Variants in CD96 observed in about 807,000 individuals in gnomAD.
The protein encoded by CD96 is CD96 molecule.
Under a neutral mutation model 71.3 loss-of-function variants are expected in CD96, and 70 were observed. That is an observed-to-expected ratio of 0.98 (90% CI 0.81 to 1.20). CD96 has a LOEUF of 1.20. Ranked by LOEUF, CD96 falls within the 50% of genes most tolerant of loss-of-function variation. The pLI is 0.00. For synonymous variants in CD96, 248 were observed against 233.0 expected (o/e 1.06, Z -0.59); for missense variants, 742 against 677.5 (o/e 1.10, Z -1.06).
At chr3:111,545,811 G>A (rs1934366605) in intron 2 of CD96, among the ~76,000 whole-genome samples, 1 of 152,074 alleles carries the variant, frequency 6.6e-6, no homozygotes, top group African/African-American at 2.4e-5. Flanking sequence ...TGAAGAAATG[G>A]GAAAATGCCA....
intron 5 of CD96, among the ~76,000 whole-genome samples, chr3:111,587,785 C>G (rs896642078): frequency 1.3e-5 from 2 of 152,182 alleles, no homozygotes; most frequent in Non-Finnish European, 2.9e-5. Flanking sequence ...TGGAAGCTTC[C>G]AAGGCTTGGG....
At chr3:111,601,974 T>C (rs936113249) in intron 7 of CD96, among the ~76,000 whole-genome samples, 9 of 152,186 alleles carry the variant, frequency 5.9e-5, no homozygotes, top group Non-Finnish European at 1.5e-5. Context: ...TGTCTGTGTA[T>C]ATGTATATGT....
In CD96 at chr3:111,542,264, A is replaced by G. The variant is rs918252494; in HGVS notation, c.16A>G (p.Lys6Glu). Residue 6 changes from lysine (K) to glutamate (E), a missense_variant, in exon 1 of 14, where the codon AAA becomes GAA. Physicochemically the swap from Lys to Glu is moderately conservative, Grantham distance 56. Transcript: ENST00000352690. Reference sequence around the variant, plus strand: ...TCAGAAGACAATGGAGAAAAAATGGAAATACTGTGCTGTCTATTACATCAT... The same window carrying G: ...TCAGAAGACAATGGAGAAAAAATGGGAATACTGTGCTGTCTATTACATCAT... MEKKWKYCAVYYIIQI... is the reference protein window; with the variant it reads MEKKWEYCAVYYIIQI... 3 of 1,613,422 alleles carry G rather than the reference A, an allele frequency of 1.9e-6. No homozygotes were observed. The African/African-American group carries it at 4.0e-5, about 22-fold the overall frequency.
chr3:111,600,096 G>A (rs1179108611), intron 6 of CD96, among the ~76,000 whole-genome samples: 1 of 152,158 alleles, frequency 6.6e-6, no homozygotes. Flanking sequence ...TCAAGAAGAG[G>A]AGACAACATA....
intron 6 of CD96, among the ~76,000 whole-genome samples, chr3:111,599,073 A>G (rs1937380558): frequency 6.6e-6 from 1 of 151,912 alleles, no homozygotes; most frequent in Non-Finnish European, 1.5e-5. Context: ...GGTTCACGCC[A>G]TTCTCCTGCC....
chr3:111,545,157 G>T lies in CD96; in HGVS notation c.173G>T (p.Trp58Leu), dbSNP rs764132767. 1.9e-6 allele frequency: 3 copies of T among 1,614,136 alleles called. No individual in the cohort carries two copies. The highest frequency in any genetic ancestry group is 2.2e-5 in the South Asian group (2 of 91,088). The part of the protein sequence containing the change: ...QTVGFFVQMQ[W>L]SKVTNKIDLI... ...GTAGGCTTCTTCGTGCAGATGCAATGGTCCAAGGTCACCAATAAGATAGAC... is the reference window on the plus strand; with the variant it reads ...GTAGGCTTCTTCGTGCAGATGCAATTGTCCAAGGTCACCAATAAGATAGAC... Residue 58 changes from tryptophan to leucine, a missense_variant, in exon 2 of 14, where the codon TGG becomes TTG. By Grantham distance (61) the Trp-to-Leu change is moderately conservative. Transcript: ENST00000352690.
At chr3:111,657,882 A>G (rs1298442974) in intron 14 of CD96, among the ~76,000 whole-genome samples, 1 of 152,196 alleles carries the variant, frequency 6.6e-6, no homozygotes, top group African/African-American at 2.4e-5. Flanking sequence ...CTTCACTGGT[A>G]ATCTTAATCT....
At chr3:111,610,634 A>T (rs377231961) in intron 8 of CD96, among the ~76,000 whole-genome samples, 1 of 152,178 alleles carries the variant, frequency 6.6e-6, no homozygotes, top group East Asian at 1.9e-4. Flanking sequence ...GCTCAATTCA[A>T]CCTGAACCAA....
chr3:111,587,374 A>G (rs1171909736), intron 5 of CD96, among the ~76,000 whole-genome samples: 1 of 152,008 alleles, frequency 6.6e-6, no homozygotes, highest in East Asian at 1.9e-4. Flanking sequence ...CTCTTCTCAC[A>G]TCTCTGCTAG....
At chr3:111,578,810 G>C (rs1936338131) in intron 3 of CD96, among the ~76,000 whole-genome samples, 1 of 152,178 alleles carries the variant, frequency 6.6e-6, no homozygotes, top group South Asian at 2.1e-4. Flanking sequence ...CAGAAGAACA[G>C]AATGCTTCCA....
At position 111,603,079 on chromosome 3, in the gene CD96, A is replaced by G. The variant is rs370796530; in HGVS notation, c.1087+2165A>G. ...GTGATCAGTGACTCTTCAGGCAGCT[A>G]TTTGTGCACTAGGACCTGCAGAATT... On this transcript the variant is annotated intron_variant, in intron 7 of 13. Transcript: ENST00000352690. 7.2e-5 allele frequency among the ~76,000 whole-genome samples: 11 copies of G among 152,178 alleles called. No homozygotes were observed. The East Asian group carries it at 1.9e-3, about 27-fold the overall frequency.
chr3:111,619,283 A>G (rs1938403012), intron 8 of CD96, among the ~76,000 whole-genome samples: 1 of 152,236 alleles, frequency 6.6e-6, no homozygotes, highest in Admixed American at 6.5e-5. Flanking sequence ...TTTTAGTGAG[A>G]AAATTTTTAA....
At chr3:111,663,338 A>G (rs1205910969) in intron 14 of CD96, among the ~76,000 whole-genome samples, 1 of 152,226 alleles carries the variant, frequency 6.6e-6, no homozygotes, top group African/African-American at 2.4e-5. Context: ...TTGGGTGAGG[A>G]CACAAAGCCA....
intron 8 of CD96, chr3:111,607,179 G>A: frequency 8.8e-6 from 2 of 228,284 alleles, no homozygotes; most frequent in South Asian, 5.8e-5. Flanking sequence ...ATTCAGTGAG[G>A]AATTTAAATT....
chr3:111,604,849 C>T (rs111991903), intron 7 of CD96, among the ~76,000 whole-genome samples: 2 of 152,128 alleles, frequency 1.3e-5, no homozygotes, highest in African/African-American at 4.8e-5. Context: ...GTCACCTTAG[C>T]ACAAAAGCAA....
intron 14 of CD96, among the ~76,000 whole-genome samples, chr3:111,660,033 C>T (rs1222529428): frequency 1.3e-5 from 2 of 152,184 alleles, no homozygotes; most frequent in Non-Finnish European, 2.9e-5. Context: ...CCAGAGCAAT[C>T]AGGCAAGAGA....
chr3:111,606,414 T>A (rs1937625823), intron 7 of CD96, among the ~76,000 whole-genome samples: 1 of 152,206 alleles, frequency 6.6e-6, no homozygotes, highest in Non-Finnish European at 1.5e-5. Flanking sequence ...TCCCAATCTT[T>A]ATCAGTGCCC....
chr3:111,654,495 T>C (rs1302875502), downstream of CD96, among the ~76,000 whole-genome samples: 2 of 152,174 alleles, frequency 1.3e-5, no homozygotes, highest in African/African-American at 4.8e-5. Flanking sequence ...ATGGGAACAA[T>C]AGAATCTAAA....
intron 6 of CD96, among the ~76,000 whole-genome samples, chr3:111,599,001 C>A (rs1937376958): frequency 6.6e-6 from 1 of 152,006 alleles, no homozygotes; most frequent in South Asian, 2.1e-4. Flanking sequence ...CGGAGTCTGG[C>A]TCTGTTGCCC....
Sources: gnomAD v4.1 joint callset for allele counts (sites outside exome capture counted in the v4.1 genomes callset) on GRCh38, gnomAD v4.1.1 for gene constraint, MANE v1.5 for transcripts, NCBI Gene and HGNC (gene_info 2026-07-23, HGNC 2026-07-21) for gene names.